AKAP10: variants seen among roughly 807,000 people sequenced by gnomAD.
AKAP10 encodes A-kinase anchoring protein 10.
A neutral mutation model predicts 80.8 loss-of-function variants in AKAP10; 24 were observed. The ratio of observed to expected loss-of-function variants is 0.30; its 90% CI spans 0.22 to 0.42. The LOEUF (loss-of-function observed/expected upper bound fraction) is 0.42. Ranked by LOEUF, AKAP10 falls within the 10% of genes least tolerant of loss-of-function variation. The pLI is 1.00. For synonymous variants in AKAP10, 291 were observed against 277.7 expected, an observed-to-expected ratio of 1.05 and a Z score of -0.48; for missense variants, 661 against 794.9, an observed-to-expected ratio of 0.83 and a Z score of 2.03.
intron 12 of AKAP10, among the ~76,000 whole-genome samples, chr17:19,910,346 C>T (rs1272272153): frequency 8.8e-6 from 1 of 113,646 alleles, no homozygotes; most frequent in East Asian, 2.1e-4. Flanking sequence ...AAAAAAACCA[C>T]TATCACCACC....
At chr17:19,908,053 C>T (rs1002494653) in intron 14 of AKAP10, among the ~76,000 whole-genome samples, 3 of 151,728 alleles carry the variant, frequency 2.0e-5, no homozygotes, top group African/African-American at 4.8e-5. Flanking sequence ...TTAATAGAGA[C>T]GGGGTTGCAC....
At chr17:19,918,301 A>C (rs1461640148) in intron 12 of AKAP10, among the ~76,000 whole-genome samples, 1 of 151,568 alleles carries the variant, frequency 6.6e-6, no homozygotes, top group East Asian at 2.0e-4. Context: ...GCACTTTGGG[A>C]GGCTAAGGCG....
chr17:19,948,479 A>G (rs1160414264), intron 4 of AKAP10, among the ~76,000 whole-genome samples: 1 of 152,130 alleles, frequency 6.6e-6, no homozygotes, highest in East Asian at 1.9e-4. Flanking sequence ...AGGCAGCATC[A>G]GAGCAGCCAC....
chr17:19,963,275 G>T (rs953069247), intron 2 of AKAP10, among the ~76,000 whole-genome samples: 6 of 147,998 alleles, frequency 4.1e-5, no homozygotes, highest in African/African-American at 1.3e-4. Flanking sequence ...GAGTGCAGTG[G>T]CATGACCTCG....
At chr17:19,971,190 T>C (rs2043493122) in intron 1 of AKAP10, among the ~76,000 whole-genome samples, 1 of 152,142 alleles carries the variant, frequency 6.6e-6, no homozygotes, top group Admixed American at 6.5e-5. Context: ...TTTTTTTTAA[T>C]GGCATTATTC....
Position 19,958,265 on chromosome 17 carries a change from T to A in AKAP10, c.626A>T (p.Asp209Val), listed in dbSNP as rs544058320. The change falls in exon 4 of 15, where the codon GAT (aspartate) becomes GTT (valine). Residue 209 changes from aspartate to valine, a missense_variant. By Grantham distance (152) the Asp-to-Val change is radical. Transcript: ENST00000225737. ...CATAAACAACTGTGCTGAGCCAGAA[T>A]CCTCCAATCTCTTATCAAGAGAATC... ...LTDSLDKRLE[D>V]SGSAQLFMTH... 164 of 1,614,218 alleles carry A rather than the reference T, an allele frequency of 1.0e-4. No homozygotes were observed. The South Asian group carries it at 1.6e-3, about 16-fold the overall frequency.
intron 14 of AKAP10, among the ~76,000 whole-genome samples, 168 bp downstream of exon 14, chr17:19,909,013 G>A (rs2042661937): frequency 6.6e-6 from 1 of 152,158 alleles, no homozygotes; most frequent in Non-Finnish European, 1.5e-5. Flanking sequence ...TCCAATATAT[G>A]CAAACAGTTG....
chr17:19,915,100 C>G (rs2042730922), intron 12 of AKAP10, among the ~76,000 whole-genome samples: 1 of 152,180 alleles, frequency 6.6e-6, no homozygotes, highest in African/African-American at 2.4e-5. Context: ...TCTTTCTTCT[C>G]ATCTCTAATG....
intron 2 of AKAP10, among the ~76,000 whole-genome samples, chr17:19,963,273 T>C (rs1342307511): frequency 6.8e-6 from 1 of 146,978 alleles, no homozygotes; most frequent in Non-Finnish European, 1.5e-5. Flanking sequence ...TGGAGTGCAG[T>C]GGCATGACCT....
chr17:19,955,482 T>G (rs1008586540), intron 4 of AKAP10, among the ~76,000 whole-genome samples: 1 of 152,246 alleles, frequency 6.6e-6, no homozygotes, highest in Non-Finnish European at 1.5e-5. Flanking sequence ...ACTAATGCTC[T>G]TTTAATAACT....
intron 14 of AKAP10, among the ~76,000 whole-genome samples, chr17:19,907,836 T>A (rs190364828): frequency 2.0e-5 from 3 of 152,160 alleles, no homozygotes; most frequent in African/African-American, 7.2e-5. Context: ...CTTCATGTCA[T>A]GCTTGGTAAT....
chr17:19,948,510 C>T (rs2043160954), intron 4 of AKAP10, among the ~76,000 whole-genome samples: 1 of 152,044 alleles, frequency 6.6e-6, no homozygotes, highest in African/African-American at 2.4e-5. Context: ...ACAGCAGCTC[C>T]AAGAATCCTA....
chr17:19,954,545 C>T (rs924889182), intron 4 of AKAP10, among the ~76,000 whole-genome samples: 1 of 147,896 alleles, frequency 6.8e-6, no homozygotes, highest in Non-Finnish European at 1.5e-5. Context: ...AGTGCAGTGG[C>T]GCGATCTCGG....
chr17:19,912,128 A>G (rs965952721), intron 12 of AKAP10, among the ~76,000 whole-genome samples: 3 of 151,586 alleles, frequency 2.0e-5, no homozygotes, highest in Admixed American at 6.6e-5. Context: ...TCAAAACTCA[A>G]TCTTGGCTGG....
At chr17:19,926,431 T>G (rs1009452680) in intron 10 of AKAP10, among the ~76,000 whole-genome samples, 6 of 152,134 alleles carry the variant, frequency 3.9e-5, no homozygotes, top group Admixed American at 3.9e-4. Flanking sequence ...GATTTTTGCT[T>G]CTGCCACTTC....
At chr17:19,914,599 A>G (rs1465818601) in intron 12 of AKAP10, among the ~76,000 whole-genome samples, 2 of 142,488 alleles carry the variant, frequency 1.4e-5, no homozygotes, top group African/African-American at 2.6e-5. Context: ...TCGTGATTCC[A>G]GCCTGGGCAA....
chr17:19,951,477 AAG>A (rs1338379879), intron 4 of AKAP10, among the ~76,000 whole-genome samples: 3 of 151,736 alleles, frequency 2.0e-5, no homozygotes, highest in Non-Finnish European at 1.5e-5. Flanking sequence ...GGGGAAAAGA[AAG>A]AGAGATCAGA....
At chr17:19,920,855 CAAAAAAAAAAAAAAAAAAAA>C (rs61148312) in intron 11 of AKAP10, among the ~76,000 whole-genome samples, 1 of 35,324 alleles carries the variant, frequency 2.8e-5, no homozygotes, top group Non-Finnish European at 4.7e-5. Flanking sequence ...GACTCTATCT[CAAAAAAAAAAAAAAAAAAAA>C]AAAAAAAAAA....
chr17:19,933,347 C>T (rs953744753), intron 9 of AKAP10, among the ~76,000 whole-genome samples: 2 of 152,172 alleles, frequency 1.3e-5, no homozygotes, highest in South Asian at 2.1e-4. Flanking sequence ...AGACTAAGCT[C>T]CAGGATAGCA....
Sources: gnomAD v4.1 joint callset for allele counts (sites outside exome capture counted in the v4.1 genomes callset) on GRCh38, gnomAD v4.1.1 for gene constraint, MANE v1.5 for transcripts, NCBI Gene and HGNC (gene_info 2026-07-23, HGNC 2026-07-21) for gene names.